Variants in PRUNE2 observed in about 807,000 individuals in gnomAD.
PRUNE2 encodes protein prune homolog 2.
Under a neutral mutation model 252.0 loss-of-function variants are expected in PRUNE2, and 164 were observed. That is an observed-to-expected ratio of 0.65 (90% confidence interval 0.57 to 0.74). The LOEUF is 0.74. Among genes scored for constraint, PRUNE2 ranks in the 30% least tolerant of loss-of-function variants. The probability of loss-of-function intolerance (pLI) is 0.00; values close to 1 mark genes in which losing one functional copy is unlikely to be tolerated. For synonymous variants in PRUNE2, 1,292 were observed against 1,350.2 expected (o/e 0.96, Z 0.94); for missense variants, 3,495 against 3,711.0 (o/e 0.94, Z 1.51).
At chr9:76,731,245 T>G (rs7467214) in intron 6 of PRUNE2, among the ~76,000 whole-genome samples, 8 of 149,932 alleles carry the variant, frequency 5.3e-5, no homozygotes, top group Admixed American at 5.3e-4. Flanking sequence ...AACACACACA[T>G]ACACACACAC....
chr9:76,839,385 C>G (rs10781385), intron 4 of PRUNE2, among the ~76,000 whole-genome samples: 6 of 152,078 alleles, frequency 3.9e-5, no homozygotes, highest in African/African-American at 1.5e-4. Flanking sequence ...TCCTGATAGG[C>G]AGAAAGAGAG....
intron 6 of PRUNE2, among the ~76,000 whole-genome samples, chr9:76,735,147 G>C (rs760953574): frequency 6.6e-6 from 1 of 152,206 alleles, no homozygotes; most frequent in Admixed American, 6.5e-5. Flanking sequence ...TTGAGTCCAA[G>C]AGTATCAGAA....
At chr9:76,672,603 T>G (rs1415980071) in intron 9 of PRUNE2, among the ~76,000 whole-genome samples, 1 of 134,358 alleles carries the variant, frequency 7.4e-6, no homozygotes, top group Non-Finnish European at 1.6e-5. Flanking sequence ...AATATACATT[T>G]TTTTCAGCAC....
intron 11 of PRUNE2, 60 bp from the exon 12 acceptor site, chr9:76,644,969 A>C: frequency 6.7e-7 from 1 of 1,485,258 alleles, no homozygotes; most frequent in Non-Finnish European, 9.2e-7. Context: ...GTGCAGCTAA[A>C]CAGCCAAATG....
intron 9 of PRUNE2, among the ~76,000 whole-genome samples, chr9:76,682,808 T>G (rs753765916): frequency 6.6e-6 from 1 of 151,786 alleles, no homozygotes; most frequent in Non-Finnish European, 1.5e-5. Context: ...CTTGAAATAT[T>G]TGTCTATTCT....
At chr9:76,773,055 C>G (rs1479561410) in intron 6 of PRUNE2, among the ~76,000 whole-genome samples, 2 of 152,184 alleles carry the variant, frequency 1.3e-5, no homozygotes, top group Admixed American at 6.5e-5. Flanking sequence ...ATCAAATCAA[C>G]AATATAATTT....
chr9:76,622,306 G>T (rs1375746510), intron 17 of PRUNE2, among the ~76,000 whole-genome samples: 1 of 152,054 alleles, frequency 6.6e-6, no homozygotes, highest in Non-Finnish European at 1.5e-5. Context: ...GAACAAAATA[G>T]TGGATGTGAG....
rs546260456 is a variant in PRUNE2 at position 76,868,095 on chromosome 9, C to T, written c.37-13887G>A. Among the ~76,000 whole-genome samples, 8 of 152,240 alleles carry T rather than the reference C, an allele frequency of 5.3e-5. No homozygotes were observed. In the South Asian group the frequency reaches 1.0e-3, roughly 20 times the overall value. On this transcript the variant is annotated intron_variant, in intron 1 of 18. Coordinates refer to ENST00000376718, the MANE Select transcript of PRUNE2 (RefSeq NM_015225.3). ...CGTAGACAGGAAAAAGAAACCCACTCTATATGCGAGGTGGGTGTAGACGAG... is the reference window on the plus strand; with the variant it reads ...CGTAGACAGGAAAAAGAAACCCACTTTATATGCGAGGTGGGTGTAGACGAG...
rs561050376 is a variant in PRUNE2, at chr9:76,905,107, G to C, written c.36+821C>G. On this transcript the variant is annotated intron_variant, in intron 1 of 18. Coordinates refer to ENST00000376718, the MANE Select transcript of PRUNE2 (RefSeq NM_015225.3). ...AGTACAGGCTTTTCTTTTTTTTTCTGCCAAAACAGAAACATTTCCATTATG... is the reference window on the plus strand; with the variant it reads ...AGTACAGGCTTTTCTTTTTTTTTCTCCCAAAACAGAAACATTTCCATTATG... Among the ~76,000 whole-genome samples the C allele has an allele frequency of 9.9e-5, 15 of 151,010 alleles. 1 individual carries two copies. The South Asian group carries it at 3.1e-3, about 32-fold the overall frequency.
chr9:76,714,997 G>A (rs889590610), intron 6 of PRUNE2, among the ~76,000 whole-genome samples: 4 of 152,160 alleles, frequency 2.6e-5, no homozygotes, highest in Non-Finnish European at 4.4e-5. Flanking sequence ...ACACCATGAT[G>A]TGCACTCAAG....
chr9:76,708,695 A>T lies in PRUNE2; in HGVS notation c.3579T>A (p.Asp1193Glu). ...TGGGAGCACTGTCCTTGGTATGCTCATCAGAGGCAGGGAGCTCCCAATCTA... is the reference window on the plus strand; with the variant it reads ...TGGGAGCACTGTCCTTGGTATGCTCTTCAGAGGCAGGGAGCTCCCAATCTA... Reference protein sequence around the residue: ...NQVDWELPASDEHTKDSAPSE... With the variant: ...NQVDWELPASEEHTKDSAPSE... Residue 1193 changes from aspartate to glutamate, a missense_variant, in exon 8 of 19, where the codon GAT (aspartate) becomes GAA (glutamate). By Grantham distance (45) the Asp-to-Glu change is conservative (BLOSUM62 2). Coordinates refer to ENST00000376718, the MANE Select transcript of PRUNE2 (RefSeq NM_015225.3). 6.2e-7 allele frequency: 1 copy of T among 1,613,954 alleles called. No homozygotes were observed. The highest frequency in any genetic ancestry group is 8.5e-7 in the Non-Finnish European group (1 of 1,179,876).
At chr9:76,741,333 T>G (rs1237807544) in intron 6 of PRUNE2, among the ~76,000 whole-genome samples, 1 of 152,202 alleles carries the variant, frequency 6.6e-6, no homozygotes, top group Non-Finnish European at 1.5e-5. Flanking sequence ...ACATGTGTCA[T>G]GGAATAGATG....
intron 9 of PRUNE2, among the ~76,000 whole-genome samples, chr9:76,691,363 C>T (rs1049174938): frequency 1.3e-5 from 2 of 152,234 alleles, no homozygotes; most frequent in Non-Finnish European, 2.9e-5. Flanking sequence ...AGTTACCACA[C>T]AGAAATTTAA....
At chr9:76,845,158 T>C (rs2059609274) in intron 4 of PRUNE2, among the ~76,000 whole-genome samples, 1 of 152,200 alleles carries the variant, frequency 6.6e-6, no homozygotes. Flanking sequence ...TGAATATCAT[T>C]GTTATCACTA....
intron 1 of PRUNE2, among the ~76,000 whole-genome samples, chr9:76,878,175 G>A (rs945871229): frequency 3.9e-5 from 6 of 152,142 alleles, no homozygotes; most frequent in African/African-American, 1.4e-4. Flanking sequence ...AAGAATGCAG[G>A]CTGACCCCAA....
At chr9:76,887,049 C>T (rs917058876) in intron 1 of PRUNE2, among the ~76,000 whole-genome samples, 2 of 152,086 alleles carry the variant, frequency 1.3e-5, no homozygotes, top group African/African-American at 2.4e-5. Context: ...TATGAAGGAG[C>T]GTCTTTTGTT....
In PRUNE2 at chr9:76,882,581, C is replaced by T. The variant is rs183186609; in HGVS notation, c.36+23347G>A. On this transcript the variant is annotated intron_variant, in intron 1 of 18. Coordinates refer to ENST00000376718, the MANE Select transcript of PRUNE2 (RefSeq NM_015225.3). Reference sequence around the variant, plus strand: ...GAAGGCAAGGTGGGTGGAAAGAAAGCGGGGAGCAAAGCGTCTCACATGGTG... The same window carrying T: ...GAAGGCAAGGTGGGTGGAAAGAAAGTGGGGAGCAAAGCGTCTCACATGGTG... Among the ~76,000 whole-genome samples, 463 of 152,026 alleles carry T rather than the reference C, an allele frequency of 3.0e-3. 3 individuals are homozygous for T. Among genetic ancestry groups the T allele is most frequent in the African/African-American group, 0.011 (443 of 41,458 alleles).
chr9:76,659,750 T>G (rs114511300), intron 9 of PRUNE2, among the ~76,000 whole-genome samples: 3,872 of 152,154 alleles, frequency 0.025, 181 homozygotes, highest in African/African-American at 0.088. Flanking sequence ...CTGAAGAACA[T>G]GAATTTTGGA....
chr9:76,783,665 C>T (rs988317446), intron 6 of PRUNE2: 4 of 152,112 alleles, frequency 2.6e-5, no homozygotes, highest in Admixed American at 6.5e-5. Flanking sequence ...ATGCTGACAC[C>T]TTGCCATTTG....
Sources: gnomAD v4.1 joint callset for allele counts (sites outside exome capture counted in the v4.1 genomes callset) on GRCh38, gnomAD v4.1.1 for gene constraint, MANE v1.5 for transcripts, NCBI Gene and HGNC (gene_info 2026-07-23, HGNC 2026-07-21) for gene names.